Variants in CAMK1D observed in about 807,000 individuals in gnomAD.
The protein encoded by CAMK1D is calcium/calmodulin-dependent protein kinase type 1D.
In CAMK1D, 9 loss-of-function variants were observed where a neutral mutation model predicts 47.7. The observed-to-expected ratio is 0.19, with a 90% confidence interval of 0.11 to 0.33. CAMK1D has a LOEUF of 0.33. Ranked by LOEUF, CAMK1D falls within the 10% of genes least tolerant of loss-of-function variation. CAMK1D has a pLI of 1.00. For synonymous variants in CAMK1D, 184 were observed against 184.9 expected (o/e 0.99, Z 0.04); for missense variants, 291 against 488.7 (o/e 0.60, Z 3.81).
At chr10:12,416,469 T>G (rs546639966) in intron 1 of CAMK1D, among the ~76,000 whole-genome samples, 35 of 152,166 alleles carry the variant, frequency 2.3e-4, no homozygotes, top group Non-Finnish European at 2.9e-4. Context: ...GAACAGGGGT[T>G]GGATGACTCA....
At chr10:12,605,398 T>C (rs905334902) in intron 2 of CAMK1D, among the ~76,000 whole-genome samples, 3 of 149,094 alleles carry the variant, frequency 2.0e-5, no homozygotes, top group Non-Finnish European at 3.0e-5. Flanking sequence ...CAGACACACA[T>C]ATATACACCC....
intron 1 of CAMK1D, among the ~76,000 whole-genome samples, chr10:12,535,324 C>T (rs1307878921): frequency 1.3e-5 from 2 of 152,164 alleles, no homozygotes; most frequent in African/African-American, 4.8e-5. Context: ...TCTGAAGTGA[C>T]TTGTTTTTAT....
chr10:12,820,561 C>T (rs539061007), intron 8 of CAMK1D, among the ~76,000 whole-genome samples: 14 of 152,302 alleles, frequency 9.2e-5, no homozygotes, highest in African/African-American at 3.1e-4. Flanking sequence ...CTGTGGTCTC[C>T]GCACATCCCT....
chr10:12,461,076 A>G (rs1257760182), intron 1 of CAMK1D, among the ~76,000 whole-genome samples: 1 of 152,180 alleles, frequency 6.6e-6, no homozygotes, highest in African/African-American at 2.4e-5. Context: ...CTTGGACAGC[A>G]TCTCTGGGGC....
chr10:12,517,398 G>A (rs1835244367), intron 1 of CAMK1D, among the ~76,000 whole-genome samples: 1 of 152,178 alleles, frequency 6.6e-6, no homozygotes, highest in African/African-American at 2.4e-5. Flanking sequence ...GTGTGATGCT[G>A]AATAGGACAT....
At chr10:12,487,877 A>G (rs74116932) in intron 1 of CAMK1D, among the ~76,000 whole-genome samples, 6,304 of 152,258 alleles carry the variant, frequency 0.041, 442 homozygotes, top group African/African-American at 0.14. Flanking sequence ...AAAAATACCT[A>G]TTTAATACAT....
chr10:12,574,105 A>G (rs575002762), intron 2 of CAMK1D, among the ~76,000 whole-genome samples: 2 of 152,222 alleles, frequency 1.3e-5, no homozygotes, highest in African/African-American at 4.8e-5. Flanking sequence ...TGTTTCTTTA[A>G]AGACTTGACA....
intron 1 of CAMK1D, among the ~76,000 whole-genome samples, chr10:12,445,751 C>T (rs1014105792): frequency 6.6e-6 from 1 of 152,154 alleles, no homozygotes; most frequent in Non-Finnish European, 1.5e-5. Context: ...TTATATTGCT[C>T]ATTTGTTTTT....
chr10:12,450,022 A>G (rs1833038010), intron 1 of CAMK1D, among the ~76,000 whole-genome samples: 1 of 151,972 alleles, frequency 6.6e-6, no homozygotes, highest in African/African-American at 2.4e-5. Context: ...CGTATATAAA[A>G]AAAGTAAATT....
intron 2 of CAMK1D, among the ~76,000 whole-genome samples, chr10:12,628,589 C>T (rs576057322): frequency 8.5e-5 from 13 of 152,172 alleles, no homozygotes; most frequent in South Asian, 6.2e-4. Flanking sequence ...TATTGATGAG[C>T]GGTACATTTG....
At chr10:12,696,592 A>G (rs1833307295) in intron 3 of CAMK1D, among the ~76,000 whole-genome samples, 1 of 152,330 alleles carries the variant, frequency 6.6e-6, no homozygotes, top group African/African-American at 2.4e-5. Flanking sequence ...TGCTTTCACA[A>G]ATAGCCGTCT....
chr10:12,612,916 G>A (rs1481162518), intron 2 of CAMK1D, among the ~76,000 whole-genome samples: 1 of 152,096 alleles, frequency 6.6e-6, no homozygotes, highest in Admixed American at 6.6e-5. Flanking sequence ...ACATGATAGG[G>A]ATCCATTTTT....
At chr10:12,389,781 G>A (rs1838656871) in intron 1 of CAMK1D, among the ~76,000 whole-genome samples, 2 of 152,144 alleles carry the variant, frequency 1.3e-5, no homozygotes, top group South Asian at 4.1e-4. Flanking sequence ...CCTTTTTGGG[G>A]AATAGGATTG....
chr10:12,802,089 T>C (rs948957615), intron 6 of CAMK1D, among the ~76,000 whole-genome samples: 9 of 152,236 alleles, frequency 5.9e-5, no homozygotes, highest in African/African-American at 2.2e-4. Context: ...CTAATGATTA[T>C]TCAGTTATCA....
chr10:12,691,390 TATATATATATATAAATATATATA>T (rs1284608074), intron 3 of CAMK1D, among the ~76,000 whole-genome samples: 1 of 7,084 alleles, frequency 1.4e-4, no homozygotes, highest in Non-Finnish European at 2.7e-4. Context: ...TATATATATA[TATATATATATATAAATATATATA>T]TATATATATT....
intron 3 of CAMK1D, among the ~76,000 whole-genome samples, chr10:12,687,042 G>A (rs1003018432): frequency 2.6e-4 from 40 of 152,094 alleles, no homozygotes; most frequent in Admixed American, 2.6e-3. Context: ...CAATCAGAGC[G>A]TAAAATCTTC....
chr10:12,596,201 ATAAAT>A (rs1385977730), intron 2 of CAMK1D, among the ~76,000 whole-genome samples: 6 of 152,144 alleles, frequency 3.9e-5, no homozygotes, highest in Admixed American at 6.6e-5. Context: ...TGTCGACAAA[ATAAAT>A]GTAGTAGAAT....
At chr10:12,458,781 C>T (rs1285593166) in intron 1 of CAMK1D, among the ~76,000 whole-genome samples, 1 of 151,986 alleles carries the variant, frequency 6.6e-6, no homozygotes, top group Non-Finnish European at 1.5e-5. Context: ...TAAAATCTTA[C>T]ATTTAATCTT....
chr10:12,354,841 AT>A lies in CAMK1D; in HGVS notation c.92+4949del, dbSNP rs11432459. The stretch of plus-strand genomic sequence containing the variant: ...GCAGCTCATTTCTGTTTGGAGGAAA[AT>A]TTTTTTTTTTTTTTTTTGAGACAGA... On this transcript the variant is annotated intron_variant, in intron 1 of 10. Transcript: ENST00000619168. Among the ~76,000 whole-genome samples the A allele has an allele frequency of 7.0e-4, 90 of 129,330 alleles. No individual in the cohort carries two copies. In the Middle Eastern group the frequency reaches 0.013, roughly 18 times the overall value. The allele number at this position is 129,330 out of a possible 152,430, so 84.8% of individuals were successfully genotyped here.
Sources: gnomAD v4.1 joint callset for allele counts (sites outside exome capture counted in the v4.1 genomes callset) on GRCh38, gnomAD v4.1.1 for gene constraint, MANE v1.5 for transcripts, NCBI Gene and HGNC (gene_info 2026-07-23, HGNC 2026-07-21) for gene names.